The following ANAPC4 variants were observed in gnomAD, a reference collection of about 807,000 sequenced individuals.
ANAPC4 encodes anaphase-promoting complex subunit 4.
In ANAPC4, 63 loss-of-function variants were observed where a neutral mutation model predicts 119.8. That is an observed-to-expected ratio of 0.53 (90% CI 0.43 to 0.65). The LOEUF (loss-of-function observed/expected upper bound fraction) is 0.65. ANAPC4 is among the 30% of genes least tolerant of loss of function. The pLI is 0.00. For synonymous variants in ANAPC4, 283 were observed against 318.6 expected (o/e 0.89, Z 1.19); for missense variants, 716 against 945.1 (o/e 0.76, Z 3.18).
intron 10 of ANAPC4, among the ~76,000 whole-genome samples, chr4:25,392,666 C>A (rs73806544): frequency 2.0e-5 from 3 of 148,624 alleles, no homozygotes; most frequent in Non-Finnish European, 4.5e-5. Context: ...AAATAAAATA[C>A]CATTTACATT....
In ANAPC4 at chr4:25,413,607, C is replaced by G. The variant is rs777643987; in HGVS notation, c.1526-38C>G. The G allele has an allele frequency of 2.0e-6, 3 of 1,497,928 alleles. No homozygotes were observed. The South Asian group carries it at 3.5e-5, about 17-fold the overall frequency. The allele number at this position is 1,497,928 out of a possible 1,614,324, so 92.8% of individuals were successfully genotyped here. On this transcript the variant is annotated intron_variant, in intron 21 of 28. Transcript: ENST00000315368. ...TCTTCTAATTATAAGTTTGCTATAG[C>G]TTCTTTTATTTTTGTTTCTGTTTTT... is the stretch of plus-strand genomic sequence containing the variant.
intron 16 of ANAPC4, among the ~76,000 whole-genome samples, chr4:25,401,197 T>C (rs1385973677): frequency 6.6e-6 from 1 of 152,136 alleles, no homozygotes; most frequent in Non-Finnish European, 1.5e-5. Context: ...TTTATCTTAG[T>C]CTCTCCTTGC....
At chr4:25,407,764 T>C (rs1723334296) in intron 20 of ANAPC4, among the ~76,000 whole-genome samples, 1 of 151,900 alleles carries the variant, frequency 6.6e-6, no homozygotes, top group African/African-American at 2.4e-5. Flanking sequence ...GCATTGTGGC[T>C]CATGCCTATA....
chr4:25,414,099 G>A (rs1577401960), intron 22 of ANAPC4: 2 of 469,186 alleles, frequency 4.3e-6, no homozygotes, highest in African/African-American at 2.0e-5. Context: ...ACCAGAGGGA[G>A]GTGGTCTTAA....
At chr4:25,381,298 T>C (rs560470225) in intron 3 of ANAPC4, among the ~76,000 whole-genome samples, 1 of 152,312 alleles carries the variant, frequency 6.6e-6, no homozygotes, top group South Asian at 2.1e-4. Context: ...GCTTTTTCTT[T>C]TCCCCCCCAG....
intron 14 of ANAPC4, among the ~76,000 whole-genome samples, chr4:25,396,030 G>T (rs1722629814): frequency 6.6e-6 from 1 of 152,162 alleles, no homozygotes; most frequent in Non-Finnish European, 1.5e-5. Context: ...TTGACATTTT[G>T]TCTCCTGCCT....
intron 16 of ANAPC4, among the ~76,000 whole-genome samples, chr4:25,398,521 T>G (rs912110064): frequency 6.6e-6 from 1 of 151,892 alleles, no homozygotes; most frequent in African/African-American, 2.4e-5. Context: ...GAGAGTAAGG[T>G]AGGAGGTGGA....
chr4:25,416,476 A>C lies in ANAPC4; in HGVS notation c.1953A>C (p.Val651=). 6.3e-7 allele frequency: 1 copy of C among 1,597,966 alleles called. No individual in the cohort carries two copies. Among genetic ancestry groups the C allele is most frequent in the Non-Finnish European group, 8.6e-7 (1 of 1,169,012 alleles). ...AQFYDDETVT[V]VLKDTVGREG... Reference sequence around the variant, plus strand: ...TTTATGATGATGAAACTGTAACAGTAGTTCTTAAAGACACTGTAGGACGTG... The same window carrying C: ...TTTATGATGATGAAACTGTAACAGTCGTTCTTAAAGACACTGTAGGACGTG... Residue 651 remains valine, a synonymous_variant, in exon 27 of 29, where the codon GTA becomes GTC. Transcript: ENST00000315368.
chr4:25,388,744 G>A lies in ANAPC4; in HGVS notation c.470+1G>A. On this transcript the variant is annotated splice_donor_variant, in intron 6 of 28. Transcript: ENST00000315368. LOFTEE classifies it high-confidence loss of function. Reference sequence around the variant, plus strand: ...ATAGCAACACCTCAAAAATATTTAGGTAAGATACGCCTTTTCTTGTTTTCA... The same window carrying A: ...ATAGCAACACCTCAAAAATATTTAGATAAGATACGCCTTTTCTTGTTTTCA... 1 of 1,608,706 alleles carries A rather than the reference G, an allele frequency of 6.2e-7. No individual in the cohort carries two copies. Among genetic ancestry groups the A allele is most frequent in the Non-Finnish European group, 8.5e-7 (1 of 1,177,100 alleles).
intron 17 of ANAPC4, among the ~76,000 whole-genome samples, chr4:25,404,078 A>G (rs1723124737): frequency 6.6e-6 from 1 of 152,244 alleles, no homozygotes; most frequent in African/African-American, 2.4e-5. Context: ...TCTAAAGAGT[A>G]AAATAGAATG....
rs750916286 is a variant in ANAPC4 at position 25,383,345 on chromosome 4, A to C, written c.320A>C (p.Glu107Ala). ...KPESLHSFSV[E>A]APVSCMHWME... is the part of the protein sequence containing the mutation. ...GAGAGCTTACACTCTTTTTCTGTGG[A>C]GGCTCCAGTTTCCTGTATGCATTGG... The change falls in exon 4 of 29, where the codon GAG becomes GCG. Residue 107 changes from glutamate to alanine, a missense_variant. Transcript: ENST00000315368. 3 of 1,613,310 alleles carry C rather than the reference A, an allele frequency of 1.9e-6. No homozygotes were observed. Among genetic ancestry groups the C allele is most frequent in the East Asian group, 4.5e-5 (2 of 44,830 alleles).
At chr4:25,391,058 T>G in intron 9 of ANAPC4, 43 bp downstream of exon 9, 1 of 1,400,618 alleles carries the variant, frequency 7.1e-7, no homozygotes, top group Non-Finnish European at 1.0e-6. Flanking sequence ...AAATATGTAT[T>G]TAACAGGTTT....
Position 25,397,019 on chromosome 4 carries a change from A to T in ANAPC4, c.1214+120A>T, listed in dbSNP as rs1394579250. 3.4e-5 allele frequency: 33 copies of T among 972,462 alleles called. 2 individuals carry two copies. In the East Asian group the frequency reaches 7.0e-4, roughly 21 times the overall value. The allele number at this position is 972,462 out of a possible 1,614,324, so 60.2% of individuals were successfully genotyped here. A position where few individuals can be genotyped will look rare whatever the true frequency, so the allele number is the denominator to read the frequency against. On this transcript the variant is annotated intron_variant, in intron 16 of 28. Coordinates refer to ENST00000315368, the MANE Select transcript of ANAPC4 (RefSeq NM_013367.3). Reference sequence around the variant, plus strand: ...CAGTTTTTAAATTTTTATCACAATTATGCCTTTATATGGTTCCGAAAAGCC... The same window carrying T: ...CAGTTTTTAAATTTTTATCACAATTTTGCCTTTATATGGTTCCGAAAAGCC...
chr4:25,408,141 C>T (rs960504411), intron 20 of ANAPC4, among the ~76,000 whole-genome samples: 5 of 152,152 alleles, frequency 3.3e-5, no homozygotes, highest in African/African-American at 1.2e-4. Flanking sequence ...AGTCTGGCCT[C>T]ACACAGGTGT....
At chr4:25,381,435 T>G (rs796112135) in intron 3 of ANAPC4, among the ~76,000 whole-genome samples, 4 of 152,200 alleles carry the variant, frequency 2.6e-5, no homozygotes, top group African/African-American at 9.6e-5. Flanking sequence ...CTCAGCCTCC[T>G]GAGTAACTAA....
rs140658664 is a variant in ANAPC4 at position 25,388,509 on chromosome 4, A to T, written c.378A>T (p.Thr126=). Residue 126 remains threonine, a synonymous_variant, in exon 5 of 29, where the codon ACA becomes ACT. Coordinates refer to ENST00000315368, the MANE Select transcript of ANAPC4 (RefSeq NM_013367.3). ...ATTTTTTCCTTTTTAGTGTTCTCAC[A>T]TCATTTTATAATGCTGAGGATGAAT... ...MEVTVESSVL[T]SFYNAEDESN... is the part of the protein sequence containing the mutation. 1.8e-4 allele frequency: 291 copies of T among 1,594,280 alleles called. No individual in the cohort carries two copies. In the African/African-American group the frequency reaches 3.4e-3, roughly 19 times the overall value.
intron 28 of ANAPC4, 90 bp from the exon 29 acceptor site, chr4:25,418,065 C>T: frequency 8.1e-7 from 1 of 1,239,100 alleles, no homozygotes; most frequent in Non-Finnish European, 1.1e-6. Flanking sequence ...TCCTATAAAA[C>T]CATTCTTTGA....
chr4:25,388,391 C>T, intron 4 of ANAPC4, 109 bp from the exon 5 acceptor site: 1 of 722,828 alleles, frequency 1.4e-6, no homozygotes. Context: ...CATCTATTTA[C>T]TTGATAATGT....
intron 7 of ANAPC4, 37 bp from the exon 8 acceptor site, chr4:25,390,099 T>C (rs1310797078): frequency 7.2e-7 from 1 of 1,386,300 alleles, no homozygotes; most frequent in African/African-American, 1.4e-5. Context: ...TCTGTGTTGT[T>C]GATTGGTTCT....
Sources: allele counts gnomAD v4.1 joint callset (sites outside exome capture counted in the v4.1 genomes callset), GRCh38; gene constraint gnomAD v4.1.1; transcripts MANE v1.5; gene names NCBI Gene and HGNC (gene_info 2026-07-23, HGNC 2026-07-21).